ATG4A: variants seen among roughly 807,000 people sequenced by gnomAD.
ATG4A encodes the protein cysteine protease ATG4A.
ATG4A carries 22 observed loss-of-function variants against 38.4 expected under a neutral mutation model. That is an observed-to-expected ratio of 0.57 (90% confidence interval 0.41 to 0.82). ATG4A has a LOEUF of 0.82. Among genes scored for constraint, ATG4A ranks in the 40% least tolerant of loss-of-function variants. ATG4A has a pLI of 0.00. For synonymous variants in ATG4A, 86 were observed against 100.7 expected, an observed-to-expected ratio of 0.85 and a Z score of 0.88; for missense variants, 220 against 290.0, an observed-to-expected ratio of 0.76 and a Z score of 1.75.
rs774362039 is a variant in ATG4A at position 108,150,286 on chromosome X, T to A, written c.949T>A (p.Ser317Thr). The A allele has an allele frequency of 8.3e-6, 10 of 1,210,381 alleles. No individual in the cohort carries two copies. Among genetic ancestry groups the A allele is most frequent in the Non-Finnish European group, 1.1e-5 (10 of 895,297 alleles). Residue 317 changes from serine (S) to threonine (T), a missense_variant, in exon 10 of 13, where the codon TCA becomes ACA. Transcript: ENST00000372232. ...AATGAACATCCTAAACCTGGATCCT[T>A]CAGTTGCATTGGTGGGTATTCGTAG... ...QRMNILNLDPSVALGFFCKEE... is the reference protein window; with the variant it reads ...QRMNILNLDPTVALGFFCKEE...
intron 1 of ATG4A, among the ~76,000 whole-genome samples, chrX:108,104,126 C>T (rs773422497): frequency 1.9e-4 from 21 of 112,465 alleles, no homozygotes; most frequent in Admixed American, 3.7e-4. Flanking sequence ...TGAGCTGCCG[C>T]ACCCAGCCAA....
chrX:108,093,822 G>A (rs952935237), intron 1 of ATG4A, among the ~76,000 whole-genome samples: 2 of 111,534 alleles, frequency 1.8e-5, no homozygotes, highest in East Asian at 2.8e-4. Flanking sequence ...TTTATAATAC[G>A]GTGAGCATAT....
At chrX:108,107,354 G>A (rs1346454924) in intron 1 of ATG4A, among the ~76,000 whole-genome samples, 1 of 112,034 alleles carries the variant, frequency 8.9e-6, no homozygotes, top group Non-Finnish European at 1.9e-5. Context: ...CAGTTCTAAA[G>A]CTTCCATTTG....
intron 3 of ATG4A, among the ~76,000 whole-genome samples, chrX:108,131,057 T>C (rs949990493): frequency 8.9e-6 from 1 of 112,414 alleles, no homozygotes; most frequent in Non-Finnish European, 1.9e-5. Context: ...TGTTTGGCCA[T>C]AGAACCTGTT....
At chrX:108,140,035 T>C (rs2033198168) in intron 9 of ATG4A, among the ~76,000 whole-genome samples, 1 of 112,056 alleles carries the variant, frequency 8.9e-6, no homozygotes, top group African/African-American at 3.2e-5. Flanking sequence ...TTTCAACATA[T>C]GAATTTTAGG....
rs908749585 is a variant in ATG4A, at chrX:108,099,164, AT to A, written c.10+7338del. ...CTTTCCAGCATTTGGTATTCTCACT[AT>A]TTTTTTTTTAAGTTTTAGCCATTGT... On this transcript the variant is annotated intron_variant, in intron 1 of 12. Coordinates refer to ENST00000372232, the MANE Select transcript of ATG4A (RefSeq NM_052936.5). 9.0e-4 allele frequency among the ~76,000 whole-genome samples: 98 copies of A among 108,398 alleles called. 2 individuals carry two copies. In the East Asian group the frequency reaches 0.023, roughly 26 times the overall value. 94.1% of individuals were successfully genotyped at this position (108,398 alleles called of 115,157 possible). A position where few individuals can be genotyped will look rare whatever the true frequency, so the allele number is the denominator to read the frequency against.
rs139259733 is a variant in ATG4A, at chrX:108,098,928, C to T, written c.10+7092C>T. On this transcript the variant is annotated intron_variant, in intron 1 of 12. Transcript: ENST00000372232. ...TTAAATGTCCAGTTTTTGGCTATTA[C>T]GAAGAGAACTCTTATTAACATTGAG... 5.7e-3 allele frequency among the ~76,000 whole-genome samples: 638 copies of T among 111,371 alleles called. 3 individuals carry two copies. Among genetic ancestry groups the T allele is most frequent in the South Asian group, 0.028 (75 of 2,662 alleles).
At chrX:108,097,631 C>T (rs2031868329) in intron 1 of ATG4A, among the ~76,000 whole-genome samples, 1 of 111,992 alleles carries the variant, frequency 8.9e-6, no homozygotes, top group African/African-American at 3.3e-5. Context: ...CCCACTTGTT[C>T]CTTTTTAATT....
At chrX:108,088,966 C>T, upstream of ATG4A, 1 of 503,699 alleles carries the variant, frequency 2.0e-6, no homozygotes, top group Non-Finnish European at 3.3e-6. Flanking sequence ...GCACTGGATC[C>T]TCAGGTAGGT....
chrX:108,126,882 T>C, intron 2 of ATG4A: 1 of 630,388 alleles, frequency 1.6e-6, no homozygotes, highest in African/African-American at 2.3e-5. Flanking sequence ...CTCTGAGATT[T>C]GTGTCTTTCT....
chrX:108,141,275 G>A (rs774242097), intron 9 of ATG4A, among the ~76,000 whole-genome samples: 3 of 104,581 alleles, frequency 2.9e-5, no homozygotes, highest in Non-Finnish European at 5.8e-5. Flanking sequence ...TTGTTCATGG[G>A]CCCATTGGGT....
upstream of ATG4A, among the ~76,000 whole-genome samples, chrX:108,090,695 T>C (rs1034709168): frequency 4.5e-5 from 5 of 112,139 alleles, no homozygotes; most frequent in African/African-American, 1.6e-4. Context: ...AAAGGCACCA[T>C]GAATCCTAGA....
At chrX:108,144,291 T>C (rs2033374016) in intron 9 of ATG4A, among the ~76,000 whole-genome samples, 1 of 112,703 alleles carries the variant, frequency 8.9e-6, no homozygotes, top group Admixed American at 9.4e-5. Flanking sequence ...ACAGGATAGG[T>C]AAACCCATAT....
At chrX:108,100,342 G>A (rs1334338541) in intron 1 of ATG4A, among the ~76,000 whole-genome samples, 3 of 110,975 alleles carry the variant, frequency 2.7e-5, no homozygotes, top group African/African-American at 9.8e-5. Context: ...AGTTCTAGGG[G>A]GTTAAAAGGT....
At chrX:108,124,356 G>A (rs1212269263) in intron 1 of ATG4A, among the ~76,000 whole-genome samples, 2 of 112,385 alleles carry the variant, frequency 1.8e-5, no homozygotes, top group Non-Finnish European at 3.8e-5. Context: ...AATATATTGA[G>A]GAGAAGGGCT....
intron 1 of ATG4A, among the ~76,000 whole-genome samples, chrX:108,112,565 T>C (rs1332798286): frequency 1.8e-5 from 2 of 109,891 alleles, no homozygotes; most frequent in South Asian, 7.8e-4. Flanking sequence ...CTAATTTTTT[T>C]TTGTATTTTT....
rs1278034394 is a variant in ATG4A, at chrX:108,134,395, G to A, written c.451G>A (p.Val151Ile). Residue 151 changes from valine (V) to isoleucine (I), a missense_variant, in exon 6 of 13, where the codon GTT becomes ATT. By Grantham distance (29) the Val-to-Ile change is conservative. Transcript: ENST00000372232. ...TGGAGAATGGTTTGGACCAAATACAGTTGCACAGGTGTTAAAGTAAGTAAA... is the reference window on the plus strand; with the variant it reads ...TGGAGAATGGTTTGGACCAAATACAATTGCACAGGTGTTAAAGTAAGTAAA... ...SIGEWFGPNT[V>I]AQVLKKLALF... is the part of the protein sequence containing the mutation. The A allele has an allele frequency of 8.3e-7, 1 of 1,209,550 alleles. No individual in the cohort carries two copies. The highest frequency in any genetic ancestry group is 3.0e-5 in the East Asian group (1 of 33,828).
At chrX:108,140,808 A>T (rs1261344016) in intron 9 of ATG4A, among the ~76,000 whole-genome samples, 1 of 98,526 alleles carries the variant, frequency 1.0e-5, no homozygotes, top group East Asian at 3.0e-4. Context: ...GTATATATAA[A>T]ATATATATAA....
chrX:108,097,013 A>C (rs1433061846), intron 1 of ATG4A, among the ~76,000 whole-genome samples: 2 of 111,751 alleles, frequency 1.8e-5, no homozygotes, highest in Non-Finnish European at 3.8e-5. Context: ...TTCATCTTCT[A>C]GGCTTGAAGA....
Sources: allele counts gnomAD v4.1 joint callset (sites outside exome capture counted in the v4.1 genomes callset), GRCh38; gene constraint gnomAD v4.1.1; transcripts MANE v1.5; gene names NCBI Gene and HGNC (gene_info 2026-07-23, HGNC 2026-07-21).